The following MRTFA variants were observed in gnomAD, a reference collection of about 807,000 sequenced individuals.
The protein encoded by MRTFA is myocardin-related transcription factor A.
Under a neutral mutation model 83.5 loss-of-function variants are expected in MRTFA, and 20 were observed. The observed-to-expected ratio is 0.24, with a 90% CI of 0.17 to 0.35. The LOEUF (loss-of-function observed/expected upper bound fraction) is 0.35. Ranked by LOEUF, MRTFA falls within the 10% of genes least tolerant of loss-of-function variation. The pLI is 1.00. For missense variants in MRTFA, 1,200 were observed against 1,224.7 expected (o/e 0.98, Z 0.30); for synonymous variants, 659 against 541.2 (o/e 1.22, Z -3.02).
At chr22:40,485,170 C>G (rs2054155159) in intron 3 of MRTFA, among the ~76,000 whole-genome samples, 1 of 152,150 alleles carries the variant, frequency 6.6e-6, no homozygotes, top group South Asian at 2.1e-4. Context: ...ATGCAGAGTG[C>G]CACACCTATC....
intron 1 of MRTFA, among the ~76,000 whole-genome samples, chr22:40,619,971 A>G (rs1218433415): frequency 6.7e-6 from 1 of 148,570 alleles, no homozygotes; most frequent in Non-Finnish European, 1.5e-5. Flanking sequence ...AGATTTATTT[A>G]TTTTTGGAGA....
chr22:40,573,182 T>TG (rs1275407049), intron 2 of MRTFA, among the ~76,000 whole-genome samples: 1 of 152,122 alleles, frequency 6.6e-6, no homozygotes, highest in South Asian at 2.1e-4. Context: ...GTTCTGGAAT[T>TG]GGACAGTGGT....
At position 40,499,450 on chromosome 22, in the gene MRTFA, C is replaced by A. The variant is rs888455533; in HGVS notation, c.242-36164G>T. Among the ~76,000 whole-genome samples, 102 of 152,082 alleles carry A rather than the reference C, an allele frequency of 6.7e-4. 2 individuals carry two copies. The highest frequency in any genetic ancestry group is 1.9e-4 in the Non-Finnish European group (13 of 67,994). On this transcript the variant is annotated intron_variant, in intron 3 of 14. Transcript: ENST00000355630. ...AGACTACAAGCAGAACTTTCTGAAACAGAAAAATCAAGATAAAAGGAGAGT... is the reference window on the plus strand; with the variant it reads ...AGACTACAAGCAGAACTTTCTGAAAAAGAAAAATCAAGATAAAAGGAGAGT...
At chr22:40,567,039 C>T (rs1449605787) in intron 2 of MRTFA, among the ~76,000 whole-genome samples, 3 of 152,034 alleles carry the variant, frequency 2.0e-5, no homozygotes, top group African/African-American at 7.3e-5. Context: ...TTGAGTAAGT[C>T]GCTCTGAATA....
chr22:40,485,002 T>C (rs147539452), intron 3 of MRTFA, among the ~76,000 whole-genome samples: 221 of 150,080 alleles, frequency 1.5e-3, no homozygotes, highest in African/African-American at 5.0e-3. Context: ...CATCTGGGAG[T>C]AGGAGGTTGC....
intron 1 of MRTFA, among the ~76,000 whole-genome samples, chr22:40,611,629 T>C (rs2056389172): frequency 6.6e-6 from 1 of 152,174 alleles, no homozygotes; most frequent in Non-Finnish European, 1.5e-5. Context: ...ACAGGAAAGC[T>C]GTTCCATGAA....
rs765088698 is a variant in MRTFA, at chr22:40,552,275, G to A, written c.72C>T (p.Ala24=). 38 of 398,838 alleles carry A rather than the reference G, an allele frequency of 9.5e-5. No homozygotes were observed. Among genetic ancestry groups the A allele is most frequent in the Admixed American group, 1.3e-4 (3 of 22,692 alleles). The allele number at this position is 398,838 out of a possible 1,614,324, so 24.7% of individuals were successfully genotyped here. ...GCACTGGTTCATCATCATTTTCGCC[G>A]GCCCCTCCTCCGTCCAGCCCATTCA... Residue 24 remains alanine, a synonymous_variant, in exon 3 of 15, where the codon GCC becomes GCT. Transcript: ENST00000355630.
chr22:40,489,253 T>C (rs2054228208), intron 3 of MRTFA, among the ~76,000 whole-genome samples: 1 of 152,178 alleles, frequency 6.6e-6, no homozygotes, highest in Admixed American at 6.5e-5. Flanking sequence ...TCTTAATACT[T>C]TTACCATTTG....
chr22:40,461,368 T>C (rs1379195559), intron 4 of MRTFA, among the ~76,000 whole-genome samples: 1 of 151,552 alleles, frequency 6.6e-6, no homozygotes, highest in Non-Finnish European at 1.5e-5. Flanking sequence ...TAAAACCAAA[T>C]CCAGCTGGGC....
chr22:40,548,216 G>A (rs531218367), intron 3 of MRTFA, among the ~76,000 whole-genome samples: 6 of 151,630 alleles, frequency 4.0e-5, no homozygotes, highest in Admixed American at 6.6e-5. Flanking sequence ...AAAATTATCC[G>A]GGCATGGTGG....
chr22:40,600,762 A>G (rs1298209833), intron 1 of MRTFA, among the ~76,000 whole-genome samples: 2 of 152,148 alleles, frequency 1.3e-5, no homozygotes, highest in African/African-American at 4.8e-5. Context: ...GGCGGATCAC[A>G]AGGTCAGGAG....
chr22:40,514,090 T>C (rs1163840673), intron 3 of MRTFA, among the ~76,000 whole-genome samples: 1 of 151,772 alleles, frequency 6.6e-6, no homozygotes, highest in African/African-American at 2.4e-5. Flanking sequence ...ACCCAATCTC[T>C]ACTAAAAAAT....
rs112822717 is a variant in MRTFA, at chr22:40,553,817, A to G, written c.-21-1450T>C. Reference sequence around the variant, plus strand: ...GGTAGATCCACCTATAGCTTGCACCATACACCTGGAAAAGCTGTAGACACT... The same window carrying G: ...GGTAGATCCACCTATAGCTTGCACCGTACACCTGGAAAAGCTGTAGACACT... On this transcript the variant is annotated intron_variant, in intron 2 of 14. Coordinates refer to ENST00000355630, the MANE Select transcript of MRTFA (RefSeq NM_020831.6). 7.5e-3 allele frequency among the ~76,000 whole-genome samples: 1,140 copies of G among 152,280 alleles called. 26 individuals carry two copies. Among genetic ancestry groups the G allele is most frequent in the Middle Eastern group, 0.075 (22 of 294 alleles).
chr22:40,425,287 A>G (rs2052929510), intron 7 of MRTFA, among the ~76,000 whole-genome samples: 1 of 151,118 alleles, frequency 6.6e-6, no homozygotes, highest in East Asian at 2.0e-4. Flanking sequence ...CCACCGGCTC[A>G]ACACTGTCGT....
intron 2 of MRTFA, among the ~76,000 whole-genome samples, chr22:40,552,605 T>C (rs1308329861): frequency 6.6e-6 from 1 of 152,222 alleles, no homozygotes; most frequent in Non-Finnish European, 1.5e-5. Context: ...GCACTTCTCC[T>C]TCCTGCCACC....
At chr22:40,469,222 T>C (rs2053860029) in intron 3 of MRTFA, among the ~76,000 whole-genome samples, 1 of 152,196 alleles carries the variant, frequency 6.6e-6, no homozygotes, top group South Asian at 2.1e-4. Flanking sequence ...TGCTGAGATA[T>C]GATCCCCAAT....
At chr22:40,508,683 G>C (rs2054620033) in intron 3 of MRTFA, among the ~76,000 whole-genome samples, 1 of 150,578 alleles carries the variant, frequency 6.6e-6, no homozygotes, top group Admixed American at 6.6e-5. Context: ...TCTTTCCATT[G>C]TAACTGTGGT....
At chr22:40,506,415 C>T (rs1237487295) in intron 3 of MRTFA, among the ~76,000 whole-genome samples, 1 of 152,162 alleles carries the variant, frequency 6.6e-6, no homozygotes, top group Non-Finnish European at 1.5e-5. Flanking sequence ...AGATTGTGCA[C>T]AGATGCACAC....
chr22:40,462,831 A>G (rs2053739956), intron 4 of MRTFA, among the ~76,000 whole-genome samples: 1 of 152,224 alleles, frequency 6.6e-6, no homozygotes, highest in Non-Finnish European at 1.5e-5. Flanking sequence ...TAAGAACCAG[A>G]ACATGAAGGC....
Sources: gnomAD v4.1 joint callset for allele counts (sites outside exome capture counted in the v4.1 genomes callset) on GRCh38, gnomAD v4.1.1 for gene constraint, MANE v1.5 for transcripts, NCBI Gene and HGNC (gene_info 2026-07-23, HGNC 2026-07-21) for gene names.